UBASH3A: variants seen among roughly 807,000 people sequenced by gnomAD.
UBASH3A encodes the protein ubiquitin-associated and SH3 domain-containing protein A.
In UBASH3A, 63 loss-of-function variants were observed where a neutral mutation model predicts 73.5. The observed-to-expected ratio is 0.86, with a 90% CI of 0.70 to 1.06. UBASH3A has a LOEUF of 1.06. Ranked by LOEUF, UBASH3A falls within the 50% of genes least tolerant of loss-of-function variation. UBASH3A has a pLI of 0.00. For missense variants in UBASH3A, 860 were observed against 859.0 expected, an observed-to-expected ratio of 1.00 and a Z score of -0.02; for synonymous variants, 363 against 351.1, an observed-to-expected ratio of 1.03 and a Z score of -0.38.
intron 11 of UBASH3A, among the ~76,000 whole-genome samples, chr21:42,438,468 C>T (rs990689608): frequency 6.6e-6 from 1 of 152,114 alleles, no homozygotes; most frequent in African/African-American, 2.4e-5. Flanking sequence ...ACTCAGAGCC[C>T]ACCCACAGTT....
At chr21:42,439,882 C>A (rs141361478) in intron 11 of UBASH3A, among the ~76,000 whole-genome samples, 29 of 143,056 alleles carry the variant, frequency 2.0e-4, no homozygotes, top group Admixed American at 4.2e-4. Context: ...ATACAACACG[C>A]TGAACACACA....
At chr21:42,439,727 C>T (rs558801890) in intron 11 of UBASH3A, among the ~76,000 whole-genome samples, 12 of 142,158 alleles carry the variant, frequency 8.4e-5, no homozygotes, top group African/African-American at 2.9e-4. Flanking sequence ...CACACCCACA[C>T]ACCACACACA....
intron 8 of UBASH3A, among the ~76,000 whole-genome samples, chr21:42,431,156 G>T (rs1034130311): frequency 6.6e-6 from 1 of 152,226 alleles, no homozygotes; most frequent in African/African-American, 2.4e-5. Flanking sequence ...ATTTGCTGTG[G>T]GTTCCTCTCA....
chr21:42,428,072 G>C (rs1187250257), intron 8 of UBASH3A, among the ~76,000 whole-genome samples: 2 of 152,110 alleles, frequency 1.3e-5, no homozygotes, highest in African/African-American at 4.8e-5. Context: ...TGAGGAAACA[G>C]ACACACAAGA....
intron 5 of UBASH3A, among the ~76,000 whole-genome samples, chr21:42,415,781 A>G (rs1400861551): frequency 6.6e-6 from 1 of 152,172 alleles, no homozygotes; most frequent in Non-Finnish European, 1.5e-5. Context: ...CTGACACCAA[A>G]GTTTGTGTTG....
At chr21:42,445,322 T>C (rs1439462026) in intron 14 of UBASH3A, among the ~76,000 whole-genome samples, 2 of 152,218 alleles carry the variant, frequency 1.3e-5, no homozygotes, top group Non-Finnish European at 2.9e-5. Context: ...CTGACCTTTT[T>C]ATGAAATTCA....
At chr21:42,418,637 G>A (rs183302273) in intron 7 of UBASH3A, 28 bp downstream of exon 7, 65 of 1,594,864 alleles carry the variant, frequency 4.1e-5, no homozygotes, top group East Asian at 2.9e-4. Context: ...CTGCAGCCCC[G>A]TCATCTCTCT....
intron 6 of UBASH3A, among the ~76,000 whole-genome samples, chr21:42,417,036 T>C (rs1345467802): frequency 6.6e-6 from 1 of 152,238 alleles, no homozygotes; most frequent in Non-Finnish European, 1.5e-5. Flanking sequence ...ATTGCTTCTC[T>C]AAAGCCATTC....
intron 3 of UBASH3A, chr21:42,410,408 A>G (rs541227147): frequency 1.1e-5 from 6 of 543,174 alleles, no homozygotes; most frequent in African/African-American, 1.9e-5. Flanking sequence ...GGCCCAAGGA[A>G]CCCTCCATTC....
At chr21:42,445,434 A>G (rs947812825) in intron 14 of UBASH3A, among the ~76,000 whole-genome samples, 1 of 152,238 alleles carries the variant, frequency 6.6e-6, no homozygotes, top group Non-Finnish European at 1.5e-5. Context: ...TAGCACTGCC[A>G]CAGGACCACA....
chr21:42,404,953 A>G (rs1167918751), intron 1 of UBASH3A, among the ~76,000 whole-genome samples: 1 of 152,230 alleles, frequency 6.6e-6, no homozygotes, highest in Non-Finnish European at 1.5e-5. Flanking sequence ...AATCTGACCC[A>G]TTCATTTTTT....
At chr21:42,421,848 C>T (rs2053343951) in intron 7 of UBASH3A, among the ~76,000 whole-genome samples, 2 of 151,830 alleles carry the variant, frequency 1.3e-5, no homozygotes. Flanking sequence ...TTTATCCAAA[C>T]CCCCAAAAAA....
At chr21:42,408,929 AAAATAAAATAAAAT>A (rs1239621526) in intron 2 of UBASH3A, among the ~76,000 whole-genome samples, 1 of 148,546 alleles carries the variant, frequency 6.7e-6, no homozygotes, top group Non-Finnish European at 1.5e-5. Flanking sequence ...AAAATAAAAT[AAAATAAAATAAAAT>A]AAAATAAAAA....
At position 42,442,477 on chromosome 21, in the gene UBASH3A, G is replaced by A. The variant is rs770629051; in HGVS notation, c.1512G>A (p.Lys504=). The A allele has an allele frequency of 1.2e-6, 2 of 1,614,086 alleles. No homozygotes were observed. The highest frequency in any genetic ancestry group is 3.3e-5 in the Admixed American group (2 of 60,000). Residue 504 remains lysine (K), a synonymous_variant, in exon 12 of 15, where the codon AAG becomes AAA. Transcript: ENST00000319294. The part of the protein sequence containing the change: ...LEELKLEKKI[K]IRVEPGIFEW... Reference sequence around the variant, plus strand: ...AACTCAAACTGGAGAAAAAAATCAAGATACGAGTGGAACCTGGAATCTTTG... The same window carrying A: ...AACTCAAACTGGAGAAAAAAATCAAAATACGAGTGGAACCTGGAATCTTTG...
At chr21:42,445,663 T>G (rs17114950) in intron 14 of UBASH3A, among the ~76,000 whole-genome samples, 2,297 of 152,340 alleles carry the variant, frequency 0.015, 56 homozygotes, top group African/African-American at 0.052. Context: ...TCATTGTCAC[T>G]CAGCAATTAG....
At chr21:42,428,206 G>A (rs1176064256) in intron 8 of UBASH3A, among the ~76,000 whole-genome samples, 1 of 152,154 alleles carries the variant, frequency 6.6e-6, no homozygotes, top group African/African-American at 2.4e-5. Flanking sequence ...CTGTGGGAGA[G>A]TAAACTTCTG....
intron 7 of UBASH3A, among the ~76,000 whole-genome samples, chr21:42,420,514 T>C (rs1393898758): frequency 1.3e-5 from 2 of 152,210 alleles, no homozygotes; most frequent in African/African-American, 2.4e-5. Context: ...ATCACACACA[T>C]ATATATATGG....
In UBASH3A at chr21:42,437,536, C is replaced by T; in HGVS notation, c.1442C>T (p.Ser481Phe). The change falls in exon 11 of 15, where the codon TCC becomes TTC. Residue 481 changes from serine (S) to phenylalanine (F), a missense_variant. Physicochemically the swap from Ser to Phe is radical, Grantham distance 155 (BLOSUM62 -2). Transcript: ENST00000319294. ...SGIRISSVFA[S>F]PALRCVQTAK... ...ATCAGAATCAGCTCTGTGTTTGCCT[C>T]CCCAGCCCTCCGCTGTGTGCAGACG... 1 of 1,614,234 alleles carries T rather than the reference C, an allele frequency of 6.2e-7. No individual in the cohort carries two copies. Among genetic ancestry groups the T allele is most frequent in the Non-Finnish European group, 8.5e-7 (1 of 1,180,030 alleles).
At chr21:42,417,415 C>A (rs1234131513) in intron 6 of UBASH3A, 1 of 76,004 alleles carries the variant, frequency 1.3e-5, no homozygotes, top group African/African-American at 6.8e-5. Flanking sequence ...CAGAGCGAGA[C>A]TGGCAAAAAA....
Sources: gnomAD v4.1 joint callset for allele counts (sites outside exome capture counted in the v4.1 genomes callset) on GRCh38, gnomAD v4.1.1 for gene constraint, MANE v1.5 for transcripts, NCBI Gene and HGNC (gene_info 2026-07-23, HGNC 2026-07-21) for gene names.